The following ZNF302 variants were observed in gnomAD, a reference collection of about 807,000 sequenced individuals.
The protein encoded by ZNF302 is zinc finger protein 302.
ZNF302 carries 12 observed loss-of-function variants against 10.8 expected under a neutral mutation model. That is an observed-to-expected ratio of 1.11 (90% CI 0.71 to 1.79). The LOEUF is 1.79. Among genes scored for constraint, ZNF302 ranks in the 40% most tolerant of loss-of-function variants. The probability of loss-of-function intolerance (pLI) is 0.00; values close to 1 mark genes in which losing one functional copy is unlikely to be tolerated. For missense variants in ZNF302, 461 were observed against 471.1 expected (o/e 0.98, Z 0.20); for synonymous variants, 178 against 157.5 (o/e 1.13, Z -0.98).
chr19:34,684,882 A>C lies in ZNF302; in HGVS notation c.845A>C (p.Glu282Ala). Residue 282 changes from glutamate (E) to alanine (A), a missense_variant, in exon 5 of 5, where the codon GAG becomes GCG. Transcript: ENST00000505242. The stretch of plus-strand genomic sequence containing the variant: ...AACCATCAGAGCACTCACACGGGAG[A>C]GAAACCGTATGAATGTATGAACTGT... ...LTNHQSTHTGEKPYECMNCGK... is the reference protein window; with the variant it reads ...LTNHQSTHTGAKPYECMNCGK... The C allele has an allele frequency of 6.2e-7, 1 of 1,613,946 alleles. No homozygotes were observed. Among genetic ancestry groups the C allele is most frequent in the Non-Finnish European group, 8.5e-7 (1 of 1,179,844 alleles).
At chr19:34,683,949 G>T in intron 4 of ZNF302, 1 of 1,295,246 alleles carries the variant, frequency 7.7e-7, no homozygotes, top group South Asian at 2.5e-5. Flanking sequence ...TCTTATTTCT[G>T]ATACTTTCCT....
chr19:34,679,933 G>A, intron 2 of ZNF302: 1 of 703,030 alleles, frequency 1.4e-6, no homozygotes, highest in South Asian at 1.5e-5. Flanking sequence ...TCATGGCATG[G>A]AAGGTGAAGC....
At position 34,684,512 on chromosome 19, in the gene ZNF302, AAGTC is replaced by A. The variant is rs752283985; in HGVS notation, c.479_482del (p.Ser160LeufsTer2). The A allele has an allele frequency of 1.6e-5, 26 of 1,612,246 alleles. No individual in the cohort carries two copies. Among genetic ancestry groups the A allele is most frequent in the African/African-American group, 4.0e-5 (3 of 74,802 alleles). On this transcript the variant is annotated frameshift_variant, in exon 5 of 5. Transcript: ENST00000505242. LOFTEE classifies it low-confidence loss of function (END_TRUNC). Reference sequence around the variant, plus strand: ...TATATTAAAGAAGAATTTATCAAAAAAGTCAGTTATAAAAAGTGAGAGAATAAAT... The same window carrying A: ...TATATTAAAGAAGAATTTATCAAAAAAGTTATAAAAAGTGAGAGAATAAAT...
chr19:34,684,294 A>C lies in ZNF302; in HGVS notation c.257A>C (p.Lys86Thr). ...GAAAACAAGGAATTATCAACAAAGA[A>C]GGATATTTATGATGAAGATTCACCC... Reference protein sequence around the residue: ...RWENKELSTKKDIYDEDSPQP... With the variant: ...RWENKELSTKTDIYDEDSPQP... The change falls in exon 5 of 5, where the codon AAG becomes ACG. Residue 86 changes from lysine to threonine, a missense_variant. Coordinates refer to ENST00000505242, the MANE Select transcript of ZNF302 (RefSeq NM_001289187.2). The C allele has an allele frequency of 1.9e-6, 3 of 1,571,956 alleles. No homozygotes were observed. The highest frequency in any genetic ancestry group is 2.6e-6 in the Non-Finnish European group (3 of 1,165,790).
Position 34,677,732 on chromosome 19 carries a change from T to C in ZNF302, c.-440T>C, listed in dbSNP as rs1033307860. ...GGCGGCTTCCAAGCTAAGGAACGGT[T>C]TGGGGCAGTGTCGTTCCCGGAGGTC... On this transcript the variant is annotated 5_prime_UTR_variant, in exon 1 of 5. Coordinates refer to ENST00000505242, the MANE Select transcript of ZNF302 (RefSeq NM_001289187.2). 4 of 152,260 alleles carry C rather than the reference T, an allele frequency of 2.6e-5. No homozygotes were observed. The highest frequency in any genetic ancestry group is 9.6e-5 in the African/African-American group (4 of 41,454). 9.4% of individuals were successfully genotyped at this position (152,260 alleles called of 1,614,324 possible).
In ZNF302 at chr19:34,678,795, T is replaced by C. The variant is rs773899259; in HGVS notation, c.-10T>C. The C allele has an allele frequency of 1.2e-6, 2 of 1,613,950 alleles. No homozygotes were observed. The highest frequency in any genetic ancestry group is 4.5e-5 in the East Asian group (2 of 44,886). ...AGGGGACTCTGTTGGCCATTGGAAA[T>C]TGCAGAATAATGTCTCAGGTAAGTC... On this transcript the variant is annotated 5_prime_UTR_variant, in exon 2 of 5. Transcript: ENST00000505242.
chr19:34,678,529 A>T (rs1249228652), intron 1 of ZNF302, among the ~76,000 whole-genome samples: 1 of 151,956 alleles, frequency 6.6e-6, no homozygotes, highest in Non-Finnish European at 1.5e-5. Context: ...TTGTTTTATG[A>T]GTCTTTTGTA....
chr19:34,677,035 G>C (rs1329063874), upstream of ZNF302: 1 of 152,050 alleles, frequency 6.6e-6, no homozygotes, highest in Non-Finnish European at 1.5e-5. Context: ...ACGTCAGAAC[G>C]GCCATTAGTG....
At chr19:34,678,647 A>G (rs1177411386) in intron 1 of ZNF302, 90 bp from the exon 2 acceptor site, 5 of 684,346 alleles carry the variant, frequency 7.3e-6, no homozygotes, top group Non-Finnish European at 1.3e-5. Context: ...AGTGATTACC[A>G]GTGTGCTTTT....
Position 34,685,216 on chromosome 19 carries a change from A to G in ZNF302, c.1179A>G (p.Glu393=). Residue 393 remains glutamate, a synonymous_variant, in exon 5 of 5, where the codon GAA becomes GAG. Transcript: ENST00000505242. ...FLVQHQSIHT[E]EKPFEV is the part of the protein sequence containing the mutation. ...TTCAACATCAGAGTATTCATACTGA[A>G]GAAAAACCGTTTGAAGTTTAGAAAT... The G allele has an allele frequency of 6.2e-7, 1 of 1,612,136 alleles. No homozygotes were observed. Among genetic ancestry groups the G allele is most frequent in the Middle Eastern group, 1.7e-4 (1 of 6,048 alleles).
At chr19:34,679,721 A>G (rs879779062) in intron 2 of ZNF302, 4 of 570,704 alleles carry the variant, frequency 7.0e-6, no homozygotes, top group East Asian at 2.9e-5. Context: ...TGTTTTCCAC[A>G]GTGTGTGTCA....
intron 4 of ZNF302, chr19:34,684,010 C>G: frequency 6.7e-7 from 1 of 1,482,944 alleles, no homozygotes; most frequent in Non-Finnish European, 8.9e-7. Context: ...TTTCCTTTAT[C>G]ACACTCTGTT....
chr19:34,677,430 G>C (rs145970960), upstream of ZNF302: 2 of 152,310 alleles, frequency 1.3e-5, no homozygotes, highest in Non-Finnish European at 2.9e-5. Context: ...TCGTTCACCA[G>C]AGGACGACTG....
chr19:34,683,965 C>G, intron 4 of ZNF302: 1 of 1,329,820 alleles, frequency 7.5e-7, no homozygotes, highest in Non-Finnish European at 9.6e-7. Flanking sequence ...TTCCTTTTTT[C>G]CATACTATTT....
chr19:34,679,481 C>T (rs1044446887), intron 2 of ZNF302, among the ~76,000 whole-genome samples: 1 of 152,204 alleles, frequency 6.6e-6, no homozygotes, highest in African/African-American at 2.4e-5. Context: ...CCATTACCTC[C>T]CTGATCCCAC....
rs751460064 is a variant in ZNF302, at chr19:34,684,367, A to G, written c.330A>G (p.Ser110=). 3 of 1,602,224 alleles carry G rather than the reference A, an allele frequency of 1.9e-6. No individual in the cohort carries two copies. In the East Asian group the frequency reaches 6.7e-5, roughly 36 times the overall value. The change falls in exon 5 of 5, where the codon TCA becomes TCG. Residue 110 remains serine (S), a synonymous_variant. Transcript: ENST00000505242. ...TTGTAAAACAAAGTTATGAATTTTC[A>G]AATTCTAATAAGAATTTGGAATATA... is the stretch of plus-strand genomic sequence containing the variant. ...EKVVKQSYEF[S]NSNKNLEYTE...
At chr19:34,677,284 G>A (rs2067995488), upstream of ZNF302, 1 of 152,168 alleles carries the variant, frequency 6.6e-6, no homozygotes. Flanking sequence ...CCCATGTCTC[G>A]GAGGGAAACG....
In ZNF302 at chr19:34,678,091, C is replaced by G. The variant is rs2068071140; in HGVS notation, c.-81C>G. 1 of 152,214 alleles carries G rather than the reference C, an allele frequency of 6.6e-6. No homozygotes were observed. The highest frequency in any genetic ancestry group is 1.5e-5 in the Non-Finnish European group (1 of 68,044). 9.4% of individuals were successfully genotyped at this position (152,214 alleles called of 1,614,324 possible). On this transcript the variant is annotated 5_prime_UTR_variant, in exon 1 of 5. Coordinates refer to ENST00000505242, the MANE Select transcript of ZNF302 (RefSeq NM_001289187.2). The stretch of plus-strand genomic sequence containing the variant: ...AAGCCGGCGCTTTCAGTTGTGCAAC[C>G]TTGAACAAATGGGTTCAGTATCTCG...
At position 34,678,860 on chromosome 19, in the gene ZNF302, T is replaced by C. The variant is rs757290901; in HGVS notation, c.9+47T>C. 5 of 1,612,230 alleles carry C rather than the reference T, an allele frequency of 3.1e-6. No homozygotes were observed. In the Admixed American group the frequency reaches 8.3e-5, roughly 27 times the overall value. ...TCTTCCTGAAACACTTTATTAGGCCTCTGTGTGTTTGCTTTGCTTCTCCTG... is the reference window on the plus strand; with the variant it reads ...TCTTCCTGAAACACTTTATTAGGCCCCTGTGTGTTTGCTTTGCTTCTCCTG... On this transcript the variant is annotated intron_variant, in intron 2 of 4. Coordinates refer to ENST00000505242, the MANE Select transcript of ZNF302 (RefSeq NM_001289187.2).
Sources: allele counts gnomAD v4.1 joint callset (sites outside exome capture counted in the v4.1 genomes callset), GRCh38; gene constraint gnomAD v4.1.1; transcripts MANE v1.5; gene names NCBI Gene and HGNC (gene_info 2026-07-23, HGNC 2026-07-21).